The following DNM1L variants were observed in gnomAD, a reference collection of about 807,000 sequenced individuals.
DNM1L encodes dynamin 1L, also known as dynamin-1-like protein.
In DNM1L, 33 loss-of-function variants were observed where a neutral mutation model predicts 92.8. The ratio of observed to expected loss-of-function variants is 0.36; its 90% CI spans 0.27 to 0.48. The LOEUF (loss-of-function observed/expected upper bound fraction) is 0.48, where lower values mean the gene tolerates loss of function less well. Among genes scored for constraint, DNM1L ranks in the 20% least tolerant of loss-of-function variants. The probability of loss-of-function intolerance (pLI) is 0.99; values close to 1 mark genes in which losing one functional copy is unlikely to be tolerated. For missense variants in DNM1L, 485 were observed against 888.8 expected (o/e 0.55, Z 5.78); for synonymous variants, 284 against 305.0 (o/e 0.93, Z 0.72).
At chr12:32,688,298 C>T (rs2137234505) in intron 1 of DNM1L, among the ~76,000 whole-genome samples, 1 of 152,240 alleles carries the variant, frequency 6.6e-6, no homozygotes. Context: ...ATTGTGTTGC[C>T]TCTATAGGTT....
chr12:32,722,365 T>G (rs971745434), intron 8 of DNM1L, 62 bp from the exon 9 acceptor site: 1 of 1,443,412 alleles, frequency 6.9e-7, no homozygotes. Flanking sequence ...AAAATTTGAC[T>G]TGTTTAGGGC....
At chr12:32,679,878 C>T (rs1592549501) in intron 1 of DNM1L, 1 of 990,982 alleles carries the variant, frequency 1.0e-6, no homozygotes, top group Non-Finnish European at 1.2e-6. Context: ...GCTGGCTGTT[C>T]CCATCACTGT....
intron 9 of DNM1L, among the ~76,000 whole-genome samples, chr12:32,724,593 AATATAT>A (rs869170631): frequency 0.11 from 7,464 of 66,314 alleles, 356 homozygotes; most frequent in Non-Finnish European, 0.15. Context: ...AAAAAAAAAA[AATATAT>A]ATATATATAT....
rs374674922 is a variant in DNM1L at position 32,724,189 on chromosome 12, A to G, written c.1079+1556A>G. 3.3e-5 allele frequency among the ~76,000 whole-genome samples: 5 copies of G among 152,278 alleles called. No individual in the cohort carries two copies. In the East Asian group the frequency reaches 5.8e-4, roughly 18 times the overall value. On this transcript the variant is annotated intron_variant, in intron 9 of 19. Transcript: ENST00000549701. ...ACTTTAATCTCATGACTACAATACTATGTGCTATCCCTGTAGTATTTACTA... is the reference window on the plus strand; with the variant it reads ...ACTTTAATCTCATGACTACAATACTGTGTGCTATCCCTGTAGTATTTACTA...
chr12:32,699,870 ACT>A (rs1368450200), intron 1 of DNM1L, among the ~76,000 whole-genome samples: 2 of 151,760 alleles, frequency 1.3e-5, no homozygotes, highest in African/African-American at 4.8e-5. Context: ...CAAACTGGTA[ACT>A]CTTGGAAGTA....
Position 32,744,222 on chromosome 12 carries a change from T to G in DNM1L, c.*812T>G, listed in dbSNP as rs548903455. On this transcript the variant is annotated 3_prime_UTR_variant, in exon 20 of 20. Coordinates refer to ENST00000549701, the MANE Select transcript of DNM1L (RefSeq NM_012062.5). ...ATCAAATGATGACCTAAATTTCCCT[T>G]AATTTGCAAATACAGTAGTAATTAA... 33 of 152,390 alleles carry G rather than the reference T, an allele frequency of 2.2e-4. No homozygotes were observed. Among genetic ancestry groups the G allele is most frequent in the African/African-American group, 6.0e-4 (25 of 41,576 alleles). The allele number at this position is 152,390 out of a possible 1,614,324, so 9.4% of individuals were successfully genotyped here. A position where few individuals can be genotyped will look rare whatever the true frequency, so the allele number is the denominator to read the frequency against.
intron 1 of DNM1L, among the ~76,000 whole-genome samples, chr12:32,698,625 T>C (rs1161809983): frequency 3.9e-5 from 6 of 152,174 alleles, no homozygotes; most frequent in Non-Finnish European, 7.3e-5. Flanking sequence ...GACTTTTGCA[T>C]TTGTAGAAAA....
At position 32,731,154 on chromosome 12, in the gene DNM1L, T is replaced by C; in HGVS notation, c.1200+20T>C. 1 of 1,613,936 alleles carries C rather than the reference T, an allele frequency of 6.2e-7. No homozygotes were observed. The highest frequency in any genetic ancestry group is 8.5e-7 in the Non-Finnish European group (1 of 1,179,966). The stretch of plus-strand genomic sequence containing the variant: ...GCTACTGTGAGTATGTTTAGCTTTT[T>C]AGACTGTAAAAAAAAATGAGGTTAA... On this transcript the variant is annotated intron_variant, in intron 10 of 19. Transcript: ENST00000549701. The surrounding 1 kb of genome is among the most constrained non-coding windows in gnomAD (Gnocchi z 5.1).
At chr12:32,702,685 A>ATT (rs35211502) in intron 2 of DNM1L, among the ~76,000 whole-genome samples, 1,886 of 149,326 alleles carry the variant, frequency 0.013, 39 homozygotes, top group African/African-American at 0.036. Context: ...GATGACTTGA[A>ATT]TTTTTTTTTT....
At chr12:32,732,540 C>G (rs1478460802) in intron 12 of DNM1L, 2 of 455,808 alleles carry the variant, frequency 4.4e-6, no homozygotes, top group Admixed American at 4.7e-5. Flanking sequence ...ACTAAAAGTG[C>G]ATTTGGGTCC....
At chr12:32,733,652 A>G (rs911347704) in intron 12 of DNM1L, 63 bp from the exon 13 acceptor site, 4 of 1,377,820 alleles carry the variant, frequency 2.9e-6, no homozygotes, top group South Asian at 1.2e-5. Context: ...TTATATATAA[A>G]TTTCTCAAAG....
At chr12:32,697,976 G>T (rs1018883252) in intron 1 of DNM1L, among the ~76,000 whole-genome samples, 12 of 147,410 alleles carry the variant, frequency 8.1e-5, no homozygotes, top group East Asian at 3.9e-4. Context: ...GAAAATCAGA[G>T]AATTTGATTT....
intron 9 of DNM1L, among the ~76,000 whole-genome samples, chr12:32,724,850 A>G (rs1954029258): frequency 6.6e-6 from 1 of 151,506 alleles, no homozygotes; most frequent in Non-Finnish European, 1.5e-5. Context: ...GAAACATTTT[A>G]TGAGATTTAA....
intron 2 of DNM1L, chr12:32,705,766 G>A (rs1952896620): frequency 6.7e-7 from 1 of 1,481,574 alleles, no homozygotes; most frequent in Non-Finnish European, 9.2e-7. Context: ...TTTTAATAAG[G>A]TTTAAAATTT....
intron 1 of DNM1L, among the ~76,000 whole-genome samples, chr12:32,681,710 G>A (rs1306501748): frequency 6.6e-6 from 1 of 150,492 alleles, no homozygotes; most frequent in Non-Finnish European, 1.5e-5. Flanking sequence ...CTTTGGTGTT[G>A]TGTAACATAT....
chr12:32,731,969 G>T lies in DNM1L; in HGVS notation c.1446+26G>T. ...GTGAGCTACTATAGCATAGATCATTGTAATTACTATTAGTAAAAGTTTAAA... is the reference window on the plus strand; with the variant it reads ...GTGAGCTACTATAGCATAGATCATTTTAATTACTATTAGTAAAAGTTTAAA... On this transcript the variant is annotated intron_variant, in intron 12 of 19. Transcript: ENST00000549701. The surrounding 1 kb of genome is among the most constrained non-coding windows in gnomAD (Gnocchi z 5.1). The T allele has an allele frequency of 2.6e-6, 4 of 1,551,062 alleles. No individual in the cohort carries two copies. The highest frequency in any genetic ancestry group is 3.6e-6 in the Non-Finnish European group (4 of 1,123,464).
At chr12:32,733,032 G>A (rs1465149946) in intron 12 of DNM1L, among the ~76,000 whole-genome samples, 1 of 152,220 alleles carries the variant, frequency 6.6e-6, no homozygotes, top group Non-Finnish European at 1.5e-5. Context: ...CCTGGGAGGT[G>A]GAGGCTGCGG....
chr12:32,732,383 G>A (rs1201874606), intron 12 of DNM1L, among the ~76,000 whole-genome samples: 2 of 152,128 alleles, frequency 1.3e-5, no homozygotes, highest in Non-Finnish European at 2.9e-5. Flanking sequence ...CTATAATATC[G>A]TAGTTGCTTG....
intron 12 of DNM1L, among the ~76,000 whole-genome samples, 187 bp downstream of exon 12, chr12:32,732,130 A>G (rs1954594793): frequency 1.3e-5 from 2 of 152,130 alleles, no homozygotes; most frequent in African/African-American, 4.8e-5. Context: ...TAATTCTGGT[A>G]TAAAGTGCAT....
Sources: gnomAD v4.1 joint callset for allele counts (sites outside exome capture counted in the v4.1 genomes callset) on GRCh38, gnomAD v4.1.1 for gene constraint, Gnocchi (gnomAD v3.1) non-coding constraint, MANE v1.5 for transcripts, NCBI Gene and HGNC (gene_info 2026-07-23, HGNC 2026-07-21) for gene names.